Variants in GRIK2 observed in about 807,000 individuals in gnomAD.
GRIK2 encodes glutamate ionotropic receptor kainate type subunit 2.
Under a neutral mutation model 100.3 loss-of-function variants are expected in GRIK2, and 32 were observed. That is an observed-to-expected ratio of 0.32 (90% CI 0.24 to 0.43). GRIK2 has a LOEUF of 0.43. GRIK2 is among the 20% of genes least tolerant of loss of function. The pLI is 1.00. For synonymous variants in GRIK2, 417 were observed against 389.4 expected (o/e 1.07, Z -0.83); for missense variants, 843 against 1,114.9 (o/e 0.76, Z 3.47).
At chr6:101,685,792 A>C (rs1446970124) in intron 6 of GRIK2, among the ~76,000 whole-genome samples, 1 of 152,112 alleles carries the variant, frequency 6.6e-6, no homozygotes, top group Non-Finnish European at 1.5e-5. Context: ...ACAAAAAAAA[A>C]ATTAAAAACA....
intron 6 of GRIK2, among the ~76,000 whole-genome samples, chr6:101,685,071 C>T: frequency 6.6e-6 from 1 of 152,016 alleles, no homozygotes; most frequent in East Asian, 1.9e-4. Flanking sequence ...AGCTAAGATC[C>T]CATCTGCTCT....
At chr6:102,008,639 G>C (rs1242102128) in intron 14 of GRIK2, among the ~76,000 whole-genome samples, 1 of 151,916 alleles carries the variant, frequency 6.6e-6, no homozygotes, top group African/African-American at 2.4e-5. Context: ...ACAATTTAAG[G>C]CTTCACTTTT....
intron 10 of GRIK2, among the ~76,000 whole-genome samples, chr6:101,819,386 G>A (rs544768932): frequency 5.3e-5 from 8 of 152,226 alleles, no homozygotes; most frequent in South Asian, 2.1e-4. Context: ...TAGTAGCAAC[G>A]AGGGATGTCA....
chr6:101,783,243 ATGT>A (rs1053874088), intron 7 of GRIK2, among the ~76,000 whole-genome samples: 3 of 152,188 alleles, frequency 2.0e-5, no homozygotes, highest in South Asian at 4.1e-4. Flanking sequence ...GGTTTCACCC[ATGT>A]TGTTCTCATG....
chr6:101,717,665 A>G (rs920245127), intron 7 of GRIK2, among the ~76,000 whole-genome samples: 1 of 151,878 alleles, frequency 6.6e-6, no homozygotes, highest in African/African-American at 2.4e-5. Context: ...GTTATCTTTA[A>G]TTATTGCCAG....
At chr6:101,781,503 C>A (rs1337285476) in intron 7 of GRIK2, among the ~76,000 whole-genome samples, 1 of 152,008 alleles carries the variant, frequency 6.6e-6, no homozygotes, top group Non-Finnish European at 1.5e-5. Flanking sequence ...TTCTATTCAC[C>A]AGTCACCATA....
chr6:101,801,570 G>A (rs1780671991), intron 8 of GRIK2, among the ~76,000 whole-genome samples: 3 of 151,804 alleles, frequency 2.0e-5, no homozygotes, highest in Admixed American at 2.0e-4. Context: ...AAACATTTTA[G>A]TTGTGAGTAT....
At chr6:101,466,227 A>G (rs1232222713) in intron 2 of GRIK2, among the ~76,000 whole-genome samples, 1 of 152,146 alleles carries the variant, frequency 6.6e-6, no homozygotes, top group Non-Finnish European at 1.5e-5. Flanking sequence ...GTGTTAATTT[A>G]ATTTTATTCA....
At chr6:101,962,873 T>C (rs1792391302) in intron 14 of GRIK2, among the ~76,000 whole-genome samples, 2 of 152,104 alleles carry the variant, frequency 1.3e-5, no homozygotes. Flanking sequence ...ATAGCCTCTC[T>C]GTCTTGTGAT....
At chr6:101,796,332 G>C (rs1780301570) in intron 7 of GRIK2, among the ~76,000 whole-genome samples, 1 of 152,166 alleles carries the variant, frequency 6.6e-6, no homozygotes, top group Non-Finnish European at 1.5e-5. Context: ...ATAGAAGACA[G>C]ATTTTCACAT....
At chr6:101,602,566 A>T (rs1779271215) in intron 2 of GRIK2, among the ~76,000 whole-genome samples, 2 of 151,124 alleles carry the variant, frequency 1.3e-5, no homozygotes, top group Admixed American at 6.6e-5. Flanking sequence ...GTTTTTTTTT[A>T]AAGAAATGGA....
chr6:101,972,263 CATT>C (rs750354269), intron 14 of GRIK2, among the ~76,000 whole-genome samples: 15 of 151,874 alleles, frequency 9.9e-5, no homozygotes, highest in Non-Finnish European at 2.2e-4. Context: ...TCACCAGCAT[CATT>C]GTTTTTTGTC....
chr6:101,543,698 G>A (rs1231387139), intron 2 of GRIK2, among the ~76,000 whole-genome samples: 1 of 152,156 alleles, frequency 6.6e-6, no homozygotes, highest in Non-Finnish European at 1.5e-5. Flanking sequence ...GTGACTGGGT[G>A]TATTCTCATG....
intron 12 of GRIK2, among the ~76,000 whole-genome samples, chr6:101,905,543 G>A (rs1259268458): frequency 6.6e-6 from 1 of 151,456 alleles, no homozygotes; most frequent in Non-Finnish European, 1.5e-5. Flanking sequence ...AAAACAGCAT[G>A]TATCCAAAAC....
At position 101,653,779 on chromosome 6, in the gene GRIK2, C is replaced by A. The variant is rs141307490; in HGVS notation, c.542-22844C>A. 4.9e-3 allele frequency among the ~76,000 whole-genome samples: 751 copies of A among 152,138 alleles called. 11 individuals are homozygous for A. Among genetic ancestry groups the A allele is most frequent in the African/African-American group, 0.017 (720 of 41,510 alleles). ...GGATTACAGTTGCCTGCCACCACGC[C>A]TGGCTAAATTTTTGTAGTTTTAGTA... On this transcript the variant is annotated intron_variant, in intron 4 of 16. Coordinates refer to ENST00000369134, the MANE Select transcript of GRIK2 (RefSeq NM_021956.5).
At chr6:101,784,274 C>T (rs1459655047) in intron 7 of GRIK2, among the ~76,000 whole-genome samples, 1 of 152,244 alleles carries the variant, frequency 6.6e-6, no homozygotes, top group Admixed American at 6.5e-5. Flanking sequence ...CCAGCTACTC[C>T]AGTTCCAGCT....
Position 101,914,752 on chromosome 6 carries a change from C to A in GRIK2, c.1749-9849C>A, listed in dbSNP as rs568410325. ...ATTATGAGTGTATGATATCAGGTTT[C>A]TTGAGCTTTCAGTTATATTCAATTG... On this transcript the variant is annotated intron_variant, in intron 12 of 16. Coordinates refer to ENST00000369134, the MANE Select transcript of GRIK2 (RefSeq NM_021956.5). Among the ~76,000 whole-genome samples the A allele has an allele frequency of 7.9e-5, 12 of 151,630 alleles. No individual in the cohort carries two copies. The East Asian group carries it at 2.3e-3, about 30-fold the overall frequency.
At chr6:101,517,297 G>A (rs577586623) in intron 2 of GRIK2, among the ~76,000 whole-genome samples, 1 of 152,156 alleles carries the variant, frequency 6.6e-6, no homozygotes, top group East Asian at 1.9e-4. Context: ...CTTTAAGAAA[G>A]TCACTTATCT....
In GRIK2 at chr6:101,897,039, T is replaced by C. The variant is rs563088818; in HGVS notation, c.1748+7176T>C. 8.4e-3 allele frequency among the ~76,000 whole-genome samples: 1,249 copies of C among 149,530 alleles called. 23 individuals carry two copies. The highest frequency in any genetic ancestry group is 0.029 in the African/African-American group (1,183 of 40,824). ...ACACACACACACACACACAGACACA[T>C]ACACATGCACACACATCTGATAAGA... On this transcript the variant is annotated intron_variant, in intron 12 of 16. Coordinates refer to ENST00000369134, the MANE Select transcript of GRIK2 (RefSeq NM_021956.5).
Sources: gnomAD v4.1 joint callset for allele counts (sites outside exome capture counted in the v4.1 genomes callset) on GRCh38, gnomAD v4.1.1 for gene constraint, MANE v1.5 for transcripts, NCBI Gene and HGNC (gene_info 2026-07-23, HGNC 2026-07-21) for gene names.